DOT1L: variants seen among roughly 807,000 people sequenced by gnomAD.
The protein encoded by DOT1L is histone-lysine N-methyltransferase, H3 lysine-79 specific.
DOT1L carries 33 observed loss-of-function variants against 153.3 expected under a neutral mutation model. The observed-to-expected ratio is 0.22, with a 90% CI of 0.16 to 0.29. The LOEUF (loss-of-function observed/expected upper bound fraction) is 0.29. DOT1L is among the 10% of genes least tolerant of loss of function. The pLI, the probability that DOT1L is intolerant of heterozygous loss-of-function variation, is 1.00. For missense variants in DOT1L, 1,847 were observed against 2,119.9 expected, an observed-to-expected ratio of 0.87 and a Z score of 2.53; for synonymous variants, 1,135 against 965.1, an observed-to-expected ratio of 1.18 and a Z score of -3.26.
At chr19:2,179,200 C>T (rs1314908876) in intron 1 of DOT1L, among the ~76,000 whole-genome samples, 1 of 152,172 alleles carries the variant, frequency 6.6e-6, no homozygotes, top group Non-Finnish European at 1.5e-5. Context: ...GGCAGGAGCC[C>T]CACAGATGGG....
rs975526471 is a variant in DOT1L, at chr19:2,164,166, G to C, written c.-19G>C. 3.3e-6 allele frequency: 4 copies of C among 1,212,252 alleles called. No individual in the cohort carries two copies. The highest frequency in any genetic ancestry group is 3.1e-6 in the Non-Finnish European group (3 of 973,890). The allele number at this position is 1,212,252 out of a possible 1,614,324, so 75.1% of individuals were successfully genotyped here. A position where few individuals can be genotyped will look rare whatever the true frequency, so the allele number is the denominator to read the frequency against. ...CCCAACCGCCCGCCTAGCATGGTGC[G>C]GCGGCCGCGCGCGCGGACATGGGGG... On this transcript the variant is annotated 5_prime_UTR_variant, in exon 1 of 28. Transcript: ENST00000398665.
At position 2,189,761 on chromosome 19, in the gene DOT1L, A is replaced by G; in HGVS notation, c.230A>G (p.Lys77Arg). 6.2e-7 allele frequency: 1 copy of G among 1,612,098 alleles called. No individual in the cohort carries two copies. The highest frequency in any genetic ancestry group is 1.1e-5 in the South Asian group (1 of 91,086). ...GAGAGCATGCAGAGGCTCTGCGACA[A>G]GTACAACCGTGCCATCGACAGCATC... ...SFESMQRLCD[K>R]YNRAIDSIHQ... is the part of the protein sequence containing the mutation. The change falls in exon 4 of 28, where the codon AAG (lysine) becomes AGG (arginine). Residue 77 changes from lysine to arginine, a missense_variant. Lys to Arg is a conservative substitution (Grantham distance 26). Around this residue, in one of 8 missense-constraint regions of DOT1L, gnomAD observed 148 missense variants for 422.3 expected, o/e 0.35. Transcript: ENST00000398665.
At chr19:2,185,824 C>T (rs2022478874) in intron 2 of DOT1L, 31 bp from the exon 3 acceptor site, 1 of 1,611,556 alleles carries the variant, frequency 6.2e-7, no homozygotes, top group Non-Finnish European at 8.5e-7. Context: ...AAACCAAACC[C>T]TTCCTGATCG....
intron 8 of DOT1L, among the ~76,000 whole-genome samples, chr19:2,201,108 C>G (rs2023257310): frequency 7.3e-6 from 1 of 136,682 alleles, no homozygotes; most frequent in African/African-American, 2.8e-5. Context: ...TCCCCGCATT[C>G]CTCGTCCTCC....
Position 2,208,817 on chromosome 19 carries a change from G to C in DOT1L, c.964-118G>C, listed in dbSNP as rs2023603080. ...TCTAGCTGCATGCCTGCTGTCCCCA[G>C]ATACCAGAACAGCCTCCCCAGCCAC... On this transcript the variant is annotated intron_variant, in intron 11 of 27. Transcript: ENST00000398665. The surrounding 1 kb of genome is among the most constrained non-coding windows in gnomAD (Gnocchi z 4.4). 2 of 1,053,996 alleles carry C rather than the reference G, an allele frequency of 1.9e-6. No homozygotes were observed. The highest frequency in any genetic ancestry group is 1.5e-5 in the South Asian group (1 of 65,500). 65.3% of individuals were successfully genotyped at this position (1,053,996 alleles called of 1,614,324 possible).
intron 3 of DOT1L, among the ~76,000 whole-genome samples, chr19:2,187,956 G>A (rs2022611276): frequency 6.6e-6 from 1 of 151,380 alleles, no homozygotes; most frequent in South Asian, 2.1e-4. Context: ...GAAAAGACAG[G>A]AAGGGCCAGG....
rs1599637177 is a variant in DOT1L, at chr19:2,230,912, G to T, written c.*1120G>T. 4 of 290,002 alleles carry T rather than the reference G, an allele frequency of 1.4e-5. No homozygotes were observed. The highest frequency in any genetic ancestry group is 5.1e-5 in the East Asian group (1 of 19,584). 18.0% of individuals were successfully genotyped at this position (290,002 alleles called of 1,614,324 possible). A position where few individuals can be genotyped will look rare whatever the true frequency, so the allele number is the denominator to read the frequency against. ...CCACGCCTGGCACCCATCCCTTGGA[G>T]CCTGTGCTGGTTCTCCCAGCTGCTG... On this transcript the variant is annotated 3_prime_UTR_variant, in exon 28 of 28. Coordinates refer to ENST00000398665, the MANE Select transcript of DOT1L (RefSeq NM_032482.3).
chr19:2,220,494 G>A lies in DOT1L; in HGVS notation c.2806+272G>A, dbSNP rs186612063. The A allele has an allele frequency of 5.0e-5, 28 of 565,258 alleles. No homozygotes were observed. In the East Asian group the frequency reaches 9.5e-4, roughly 19 times the overall value. The allele number at this position is 565,258 out of a possible 1,614,324, so 35.0% of individuals were successfully genotyped here. ...GTGTATTAATTCAGCCCGTGAGGTC[G>A]GCCCCAGTGCTCTCGGGGGCTCCTG... On this transcript the variant is annotated intron_variant, in intron 23 of 27. Coordinates refer to ENST00000398665, the MANE Select transcript of DOT1L (RefSeq NM_032482.3). The surrounding 1 kb of genome is among the most constrained non-coding windows in gnomAD (Gnocchi z 4.5).
chr19:2,210,346 G>C, intron 12 of DOT1L, 54 bp from the exon 13 acceptor site: 1 of 1,426,450 alleles, frequency 7.0e-7, no homozygotes, highest in Non-Finnish European at 9.2e-7. Flanking sequence ...CTCGGTGCAG[G>C]AGGGCCGTGG....
At position 2,231,627 on chromosome 19, in the gene DOT1L, T is replaced by C; in HGVS notation, c.*1835T>C. ...GTTGGTGCTCTCAGCTAGAAGGTGC[T>C]GTGCCTCTGCCTGAGCCCCAAGCCC... is the stretch of plus-strand genomic sequence containing the variant. On this transcript the variant is annotated 3_prime_UTR_variant, in exon 28 of 28. Transcript: ENST00000398665. The C allele has an allele frequency of 4.7e-6, 1 of 210,998 alleles. No individual in the cohort carries two copies. Among genetic ancestry groups the C allele is most frequent in the East Asian group, 7.1e-5 (1 of 14,080 alleles). 13.1% of individuals were successfully genotyped at this position (210,998 alleles called of 1,614,324 possible). A position where few individuals can be genotyped will look rare whatever the true frequency, so the allele number is the denominator to read the frequency against.
chr19:2,230,281 G>A lies in DOT1L; in HGVS notation c.*489G>A, dbSNP rs1298070576. ...CCGGCTCCCCCGACGCGCTGCTCCCGTACCAAAGGCAGGCCCGTCGCCACC... is the reference window on the plus strand; with the variant it reads ...CCGGCTCCCCCGACGCGCTGCTCCCATACCAAAGGCAGGCCCGTCGCCACC... On this transcript the variant is annotated 3_prime_UTR_variant, in exon 28 of 28. Transcript: ENST00000398665. The A allele has an allele frequency of 1.2e-5, 5 of 422,134 alleles. No individual in the cohort carries two copies. Among genetic ancestry groups the A allele is most frequent in the Middle Eastern group, 6.1e-4 (1 of 1,652 alleles). The allele number at this position is 422,134 out of a possible 1,614,324, so 26.1% of individuals were successfully genotyped here. A position where few individuals can be genotyped will look rare whatever the true frequency, so the allele number is the denominator to read the frequency against.
intron 22 of DOT1L, among the ~76,000 whole-genome samples, 197 bp downstream of exon 22, chr19:2,218,115 G>A (rs1239591009): frequency 6.6e-6 from 1 of 152,214 alleles, no homozygotes; most frequent in Non-Finnish European, 1.5e-5. Context: ...TTTTCTTTTG[G>A]GTGAAAGGTA....
At chr19:2,187,923 GAAAAAAA>G (rs11453591) in intron 3 of DOT1L, among the ~76,000 whole-genome samples, 1 of 130,952 alleles carries the variant, frequency 7.6e-6, no homozygotes, top group Non-Finnish European at 1.6e-5. Flanking sequence ...CTCCATCTCA[GAAAAAAA>G]AAAAAAAAGG....
At chr19:2,192,062 T>G (rs1314069910) in intron 5 of DOT1L, among the ~76,000 whole-genome samples, 1 of 152,038 alleles carries the variant, frequency 6.6e-6, no homozygotes, top group Non-Finnish European at 1.5e-5. Flanking sequence ...CTCCACAGTG[T>G]CTAGGCTGTC....
intron 3 of DOT1L, among the ~76,000 whole-genome samples, chr19:2,187,785 G>A (rs895676915): frequency 2.0e-5 from 3 of 152,114 alleles, no homozygotes; most frequent in African/African-American, 4.8e-5. Context: ...AGCCGGGCGT[G>A]GTGGCGGGTG....
At position 2,222,319 on chromosome 19, in the gene DOT1L, C is replaced by T. The variant is rs761191484; in HGVS notation, c.3150C>T (p.Thr1050=). 2 of 1,613,014 alleles carry T rather than the reference C, an allele frequency of 1.2e-6. No homozygotes were observed. The highest frequency in any genetic ancestry group is 1.7e-6 in the Non-Finnish European group (2 of 1,179,916). Residue 1050 remains threonine (T), a synonymous_variant, in exon 24 of 28, where the codon ACC becomes ACT. Coordinates refer to ENST00000398665, the MANE Select transcript of DOT1L (RefSeq NM_032482.3). This position sits in a 1 kb window ranked among gnomAD's most constrained non-coding sequence, Gnocchi z 6.5. ...AGAGGAGGATTGTGTTCACCATCAC[C>T]ACTGGTGCGGGCAGTGCCAAGCAGT... The part of the protein sequence containing the change: ...EAKRRIVFTI[T]TGAGSAKQSP...
rs1382675032 is a variant in DOT1L, at chr19:2,226,744, G to T, written c.4223G>T (p.Gly1408Val). 4 of 1,556,820 alleles carry T rather than the reference G, an allele frequency of 2.6e-6. No homozygotes were observed. The East Asian group carries it at 9.1e-5, about 36-fold the overall frequency. The change falls in exon 27 of 28, where the codon GGC becomes GTC. Residue 1408 changes from glycine (G) to valine (V), a missense_variant. Around this residue, in one of 8 missense-constraint regions of DOT1L, gnomAD observed 934 missense variants for 825.3 expected, o/e 1.13. Transcript: ENST00000398665. Reference protein sequence around the residue: ...GPTDKTPLLSGKAAKARDREV... With the variant: ...GPTDKTPLLSVKAAKARDREV... Reference sequence around the variant, plus strand: ...ACGGACAAGACCCCACTGCTGAGCGGCAAGGCCGCCAAGGCCCGGGACCGC... The same window carrying T: ...ACGGACAAGACCCCACTGCTGAGCGTCAAGGCCGCCAAGGCCCGGGACCGC...
chr19:2,214,577 G>A lies in DOT1L; in HGVS notation c.1904G>A (p.Arg635Lys). The A allele has an allele frequency of 1.9e-6, 3 of 1,613,000 alleles. No individual in the cohort carries two copies. The highest frequency in any genetic ancestry group is 1.7e-6 in the Non-Finnish European group (2 of 1,179,842). The change falls in exon 19 of 28, where the codon AGG becomes AAG. Residue 635 changes from arginine (R) to lysine (K), a missense_variant. By Grantham distance (26) the Arg-to-Lys change is conservative (BLOSUM62 2). Transcript: ENST00000398665. ...ALKSQISEKQ[R>K]HCLELQISIV... ...AAGAGCCAGATCTCGGAGAAGCAGA[G>A]GCACTGCCTGGAGCTGCAGGTGGGC...
In DOT1L at chr19:2,228,283, T is replaced by C. The variant is rs756115585; in HGVS notation, c.4606+1156T>C. 3.0e-6 allele frequency: 4 copies of C among 1,355,806 alleles called. No individual in the cohort carries two copies. In the South Asian group the frequency reaches 4.6e-5, roughly 16 times the overall value. 84.0% of individuals were successfully genotyped at this position (1,355,806 alleles called of 1,614,324 possible). A position where few individuals can be genotyped will look rare whatever the true frequency, so the allele number is the denominator to read the frequency against. On this transcript the variant is annotated intron_variant, in intron 27 of 27. Transcript: ENST00000398665. ...GCCAGCGCCACGGGGCCGTCCGCGG[T>C]GTGGGTGTCCCTCGGCATGCCGCCT...
Sources: allele counts gnomAD v4.1 joint callset (sites outside exome capture counted in the v4.1 genomes callset), GRCh38; gene constraint gnomAD v4.1.1; regional missense constraint gnomAD v4.1.1; non-coding constraint Gnocchi (gnomAD v3.1); transcripts MANE v1.5; gene names NCBI Gene and HGNC (gene_info 2026-07-23, HGNC 2026-07-21).